Variants in CADM2 observed in about 807,000 individuals in gnomAD.
The protein encoded by CADM2 is cell adhesion molecule 2, also known as immunoglobulin superfamily member 4D.
A neutral mutation model predicts 49.8 loss-of-function variants in CADM2; 12 were observed. The observed-to-expected ratio is 0.24, with a 90% confidence interval of 0.15 to 0.39. The LOEUF (loss-of-function observed/expected upper bound fraction) is 0.39, where lower values mean the gene tolerates loss of function less well. Ranked by LOEUF, CADM2 falls within the 10% of genes least tolerant of loss-of-function variation. The pLI is 1.00. For missense variants in CADM2, 378 were observed against 492.3 expected (o/e 0.77, Z 2.20); for synonymous variants, 214 against 175.4 (o/e 1.22, Z -1.74).
chr3:85,447,647 G>A (rs893803610), intron 1 of CADM2, among the ~76,000 whole-genome samples: 2 of 152,228 alleles, frequency 1.3e-5, no homozygotes, highest in East Asian at 1.9e-4. Context: ...ACATGCTGAC[G>A]AAATTTTTAT....
intron 1 of CADM2, among the ~76,000 whole-genome samples, chr3:85,241,388 C>G (rs1181165695): frequency 6.6e-6 from 1 of 151,404 alleles, no homozygotes; most frequent in Non-Finnish European, 1.5e-5. Flanking sequence ...GAATTGCATA[C>G]AAGGTACGTG....
In CADM2 at chr3:85,626,295, TC is replaced by T. The variant is rs1209630352; in HGVS notation, c.62-100226del. 8.1e-3 allele frequency among the ~76,000 whole-genome samples: 1,238 copies of T among 152,140 alleles called. 12 individuals carry two copies. The highest frequency in any genetic ancestry group is 0.028 in the African/African-American group (1,163 of 41,546). ...ATTTAATATGAATATAGCTTATCTA[TC>T]AACTTGTTCTTAGTCATCACTGAAG... On this transcript the variant is annotated intron_variant, in intron 1 of 9. Transcript: ENST00000383699.
chr3:85,474,376 G>A (rs1435595406), intron 1 of CADM2, among the ~76,000 whole-genome samples: 1 of 151,814 alleles, frequency 6.6e-6, no homozygotes, highest in Non-Finnish European at 1.5e-5. Context: ...TTGTTCTGTT[G>A]AGAACACCTG....
At chr3:85,430,093 G>A (rs2036593652) in intron 1 of CADM2, among the ~76,000 whole-genome samples, 1 of 152,094 alleles carries the variant, frequency 6.6e-6, no homozygotes, top group South Asian at 2.1e-4. Context: ...GTAGGAGTGT[G>A]TGTGCATGTG....
intron 1 of CADM2, among the ~76,000 whole-genome samples, chr3:85,132,359 T>A (rs2107611573): frequency 6.6e-6 from 1 of 152,284 alleles, no homozygotes; most frequent in East Asian, 1.9e-4. Flanking sequence ...AATGATTTAA[T>A]GAGAGCCAGT....
chr3:85,576,211 T>TA (rs1480057601), intron 1 of CADM2, among the ~76,000 whole-genome samples: 1 of 152,192 alleles, frequency 6.6e-6, no homozygotes, highest in East Asian at 1.9e-4. Flanking sequence ...GTTATTTTCT[T>TA]AGAGAAAATC....
intron 8 of CADM2, among the ~76,000 whole-genome samples, chr3:86,008,619 TCAC>T (rs1559797663): frequency 6.6e-6 from 1 of 152,032 alleles, no homozygotes; most frequent in Non-Finnish European, 1.5e-5. Flanking sequence ...GAAAATCCAG[TCAC>T]CAAAGAGGAT....
chr3:85,470,539 T>A (rs2038722086), intron 1 of CADM2, among the ~76,000 whole-genome samples: 1 of 152,208 alleles, frequency 6.6e-6, no homozygotes, highest in African/African-American at 2.4e-5. Context: ...GAAAACTATA[T>A]GAATGGGTAT....
chr3:85,375,694 T>G (rs923877113), intron 1 of CADM2, among the ~76,000 whole-genome samples: 1 of 152,140 alleles, frequency 6.6e-6, no homozygotes, highest in Non-Finnish European at 1.5e-5. Flanking sequence ...TTCAACTGAT[T>G]TCTTGTGTAT....
intron 1 of CADM2, among the ~76,000 whole-genome samples, chr3:85,012,257 TG>T (rs144079390): frequency 0.016 from 2,429 of 151,810 alleles, 33 homozygotes; most frequent in Non-Finnish European, 0.025. Context: ...GTGTATCTCA[TG>T]CAGTAAACTT....
At chr3:85,602,291 A>G (rs1329215490) in intron 1 of CADM2, among the ~76,000 whole-genome samples, 1 of 151,686 alleles carries the variant, frequency 6.6e-6, no homozygotes, top group Non-Finnish European at 1.5e-5. Flanking sequence ...TATTGGACAA[A>G]TTACCCTAGG....
At chr3:85,212,835 T>TTTCTTTCTTTCTTTCTTTCC (rs2107772330) in intron 1 of CADM2, among the ~76,000 whole-genome samples, 2 of 108,820 alleles carry the variant, frequency 1.8e-5, no homozygotes, top group South Asian at 6.0e-4. Flanking sequence ...TCTTTCTTTC[T>TTTCTTTCTTTCTTTCTTTCC]TTCTTTCTTT....
intron 1 of CADM2, among the ~76,000 whole-genome samples, chr3:85,302,181 G>A (rs1240917289): frequency 6.6e-6 from 1 of 152,006 alleles, no homozygotes; most frequent in Non-Finnish European, 1.5e-5. Flanking sequence ...TCATTGAGAA[G>A]TCATTATGTA....
intron 1 of CADM2, among the ~76,000 whole-genome samples, chr3:85,435,274 T>G (rs1190636726): frequency 6.6e-6 from 1 of 152,112 alleles, no homozygotes; most frequent in Non-Finnish European, 1.5e-5. Context: ...GGTGTTTGGT[T>G]TCCTGTTCCT....
chr3:85,586,166 T>C (rs1276233558), intron 1 of CADM2, among the ~76,000 whole-genome samples: 9 of 152,096 alleles, frequency 5.9e-5, no homozygotes, highest in Non-Finnish European at 8.8e-5. Flanking sequence ...ACATTTAAAA[T>C]GTACCACAAC....
At chr3:85,918,222 G>C (rs1374315036) in intron 6 of CADM2, among the ~76,000 whole-genome samples, 1 of 152,130 alleles carries the variant, frequency 6.6e-6, no homozygotes, top group Non-Finnish European at 1.5e-5. Flanking sequence ...AGGCATCCCT[G>C]TCTTGTGCCA....
At chr3:85,591,736 C>A (rs1329402610) in intron 1 of CADM2, among the ~76,000 whole-genome samples, 1 of 151,964 alleles carries the variant, frequency 6.6e-6, no homozygotes, top group Non-Finnish European at 1.5e-5. Context: ...TAGAATAGAG[C>A]CCCTTCAGAT....
chr3:85,905,251 G>A (rs1716644061), intron 5 of CADM2, among the ~76,000 whole-genome samples: 1 of 152,014 alleles, frequency 6.6e-6, no homozygotes. Flanking sequence ...GAAAAACAAA[G>A]GGTAAATATA....
chr3:85,072,729 AATT>A (rs2036803247), intron 1 of CADM2, among the ~76,000 whole-genome samples: 2 of 152,068 alleles, frequency 1.3e-5, no homozygotes, highest in Admixed American at 1.3e-4. Flanking sequence ...AAAAAATTTG[AATT>A]TAGATAAAAA....
Sources: allele counts gnomAD v4.1 joint callset (sites outside exome capture counted in the v4.1 genomes callset), GRCh38; gene constraint gnomAD v4.1.1; transcripts MANE v1.5; gene names NCBI Gene and HGNC (gene_info 2026-07-23, HGNC 2026-07-21).